The following SPRY3 variants were observed in gnomAD, a reference collection of about 807,000 sequenced individuals.
SPRY3 encodes the protein sprouty RTK signaling antagonist 3.
SPRY3 carries 15 observed loss-of-function variants against 20.2 expected under a neutral mutation model. The observed-to-expected ratio is 0.74, with a 90% CI of 0.50 to 1.14. The LOEUF is 1.14. Ranked by LOEUF, SPRY3 falls within the 50% of genes most tolerant of loss-of-function variation. SPRY3 has a pLI of 0.00. For missense variants in SPRY3, 364 were observed against 363.9 expected, an observed-to-expected ratio of 1.00 and a Z score of 0.00; for synonymous variants, 143 against 136.5, an observed-to-expected ratio of 1.05 and a Z score of -0.33.
At chrX:155,781,801 T>C (rs149607621) in exon 2 of SPRY3, 2 of 167,014 alleles carry the variant, frequency 1.2e-5, no homozygotes, top group Non-Finnish European at 2.9e-5. Context: ...GTTTTTATTT[T>C]AGTCAATCTT....
chrX:155,720,228 G>A (rs1320588892), intron 2 of SPRY3, among the ~76,000 whole-genome samples: 1 of 152,176 alleles, frequency 6.6e-6, no homozygotes, highest in South Asian at 2.1e-4. Flanking sequence ...AAACGGGAGG[G>A]AAGAGTGGGA....
At position 155,773,856 on chromosome X, in the gene SPRY3, A is replaced by T; in HGVS notation, c.-16A>T. 1 of 1,608,568 alleles carries T rather than the reference A, an allele frequency of 6.2e-7. No individual in the cohort carries two copies. Among genetic ancestry groups the T allele is most frequent in the African/African-American group, 1.3e-5 (1 of 74,972 alleles). On this transcript the variant is annotated 5_prime_UTR_variant, in exon 4 of 4. It introduces an in-frame stop codon into an upstream open reading frame of the 5' UTR. Coordinates refer to ENST00000675360, the Ensembl canonical transcript of SPRY3. ...CCCTGACTTAAAACCACTCAGAGCT[A>T]AAAAATCAAGGCAAAATGGATGCTG...
intron 2 of SPRY3, among the ~76,000 whole-genome samples, chrX:155,737,993 C>A (rs1362976996): frequency 6.6e-6 from 1 of 152,018 alleles, no homozygotes; most frequent in South Asian, 2.1e-4. Flanking sequence ...AATGCACTCA[C>A]CTTTAAAAAA....
At chrX:155,709,317 C>T (rs888917553) in intron 2 of SPRY3, among the ~76,000 whole-genome samples, 5 of 151,602 alleles carry the variant, frequency 3.3e-5, no homozygotes, top group Non-Finnish European at 7.4e-5. Context: ...TTTCTCCACA[C>T]CCTCACTAGC....
intron 2 of SPRY3, among the ~76,000 whole-genome samples, chrX:155,746,312 T>C (rs2091225902): frequency 6.6e-6 from 1 of 152,096 alleles, no homozygotes; most frequent in Non-Finnish European, 1.5e-5. Flanking sequence ...CTGTAGCTAA[T>C]TTAACATTAA....
intron 2 of SPRY3, chrX:155,767,732 AGGAGAGAGAGGAGGAGGAG>A (rs2091346772): frequency 3.3e-5 from 2 of 60,802 alleles, no homozygotes; most frequent in East Asian, 2.6e-3. Context: ...GAGGAGGAGG[AGGAGAGAGAGGAGGAGGAG>A]GAGAGAGAGG....
intron 2 of SPRY3, among the ~76,000 whole-genome samples, chrX:155,663,502 A>G (rs1423953251): frequency 9.0e-6 from 1 of 111,528 alleles, no homozygotes; most frequent in Non-Finnish European, 1.9e-5. Flanking sequence ...AAGAGAGGAA[A>G]GGCAAAAAGA....
chrX:155,715,585 G>T (rs987633816), intron 2 of SPRY3, among the ~76,000 whole-genome samples: 32 of 152,264 alleles, frequency 2.1e-4, no homozygotes, highest in African/African-American at 5.8e-4. Flanking sequence ...CCCAGCTGGT[G>T]TCTCACTAGA....
chrX:155,703,979 C>T (rs2090929769), intron 2 of SPRY3, among the ~76,000 whole-genome samples: 1 of 151,826 alleles, frequency 6.6e-6, no homozygotes, highest in African/African-American at 2.4e-5. Context: ...AGCCTAACTA[C>T]TAACTGTAAT....
At chrX:155,757,010 C>A (rs1311699561) in intron 2 of SPRY3, among the ~76,000 whole-genome samples, 1 of 152,124 alleles carries the variant, frequency 6.6e-6, no homozygotes, top group Non-Finnish European at 1.5e-5. Context: ...AACATAAACC[C>A]CTCTTCTGAA....
intron 1 of SPRY3, among the ~76,000 whole-genome samples, chrX:155,629,066 TG>T (rs1302260863): frequency 1.8e-5 from 2 of 110,200 alleles, no homozygotes; most frequent in Non-Finnish European, 3.8e-5. Flanking sequence ...GTGCACAATG[TG>T]CAGGTTTGTT....
intron 2 of SPRY3, among the ~76,000 whole-genome samples, chrX:155,662,846 G>T (rs1341648672): frequency 1.8e-5 from 2 of 111,306 alleles, no homozygotes; most frequent in Non-Finnish European, 3.8e-5. Flanking sequence ...AAGAAGTTCA[G>T]CACAGGGTAC....
exon 3 of SPRY3, chrX:155,768,118 G>A (rs961751447): frequency 6.6e-6 from 1 of 151,966 alleles, no homozygotes; most frequent in Non-Finnish European, 1.5e-5. Flanking sequence ...TCTCAGCATG[G>A]ATAAACCATT....
In SPRY3 at chrX:155,765,400, C is replaced by T. The variant is rs189962613; in HGVS notation, c.-281-2562C>T. ...GACCTTGGTTTCTCATTTTAAAAATCAGTATAATTCATTAATATGCCTCAT... is the reference window on the plus strand; with the variant it reads ...GACCTTGGTTTCTCATTTTAAAAATTAGTATAATTCATTAATATGCCTCAT... On this transcript the variant is annotated intron_variant, in intron 2 of 3. Coordinates refer to ENST00000675360, the Ensembl canonical transcript of SPRY3. 2.0e-5 allele frequency among the ~76,000 whole-genome samples: 3 copies of T among 152,226 alleles called. No homozygotes were observed. In the East Asian group the frequency reaches 5.8e-4, roughly 29 times the overall value.
chrX:155,693,565 A>G (rs2068109917), intron 2 of SPRY3, among the ~76,000 whole-genome samples: 2 of 111,849 alleles, frequency 1.8e-5, no homozygotes, highest in Non-Finnish European at 3.8e-5. Context: ...GTCAATTGCT[A>G]AAGCATAGGT....
In SPRY3 at chrX:155,710,321, C is replaced by T. The variant is rs182575503; in HGVS notation, c.-282+53296C>T. Among the ~76,000 whole-genome samples the T allele has an allele frequency of 5.2e-4, 79 of 151,492 alleles. 1 individual carries two copies. The highest frequency in any genetic ancestry group is 2.8e-3 in the Admixed American group (43 of 15,182). On this transcript the variant is annotated intron_variant, in intron 2 of 3. Coordinates refer to ENST00000675360, the Ensembl canonical transcript of SPRY3. ...ATAGAATATCTTTCCATTTTTTGTG[C>T]GTACTCTTCAATTTCTTTCATCAGT...
At chrX:155,720,848 A>T (rs2091053140) in intron 2 of SPRY3, among the ~76,000 whole-genome samples, 1 of 152,162 alleles carries the variant, frequency 6.6e-6, no homozygotes, top group African/African-American at 2.4e-5. Context: ...TGAAGACTAC[A>T]ATAAGTACCC....
intron 1 of SPRY3, among the ~76,000 whole-genome samples, chrX:155,648,198 A>T (rs1557352029): frequency 8.9e-6 from 1 of 112,414 alleles, no homozygotes; most frequent in African/African-American, 3.2e-5. Context: ...TCTGGATTTT[A>T]GCCCTTTGTC....
chrX:155,665,031 A>G (rs782613683), intron 2 of SPRY3, among the ~76,000 whole-genome samples: 21 of 111,039 alleles, frequency 1.9e-4, no homozygotes, highest in Non-Finnish European at 3.2e-4. Context: ...TTCTGAATAT[A>G]TAAAGAATTT....
Sources: allele counts gnomAD v4.1 joint callset (sites outside exome capture counted in the v4.1 genomes callset), GRCh38; gene constraint gnomAD v4.1.1; transcripts MANE v1.5; gene names NCBI Gene and HGNC (gene_info 2026-07-23, HGNC 2026-07-21).